LRRC4C: variants seen among roughly 807,000 people sequenced by gnomAD.
The protein encoded by LRRC4C is leucine-rich repeat-containing protein 4C.
In LRRC4C, 5 loss-of-function variants were observed where a neutral mutation model predicts 33.6. The ratio of observed to expected loss-of-function variants is 0.15; its 90% CI spans 0.08 to 0.31. The LOEUF (loss-of-function observed/expected upper bound fraction) is 0.31. Ranked by LOEUF, LRRC4C falls within the 10% of genes least tolerant of loss-of-function variation. The pLI is 1.00. For synonymous variants in LRRC4C, 329 were observed against 302.0 expected, an observed-to-expected ratio of 1.09 and a Z score of -0.93; for missense variants, 560 against 796.7, an observed-to-expected ratio of 0.70 and a Z score of 3.58.
chr11:41,178,609 A>C (rs1482023779), intron 1 of LRRC4C, among the ~76,000 whole-genome samples: 1 of 152,120 alleles, frequency 6.6e-6, no homozygotes, highest in Admixed American at 6.5e-5. Flanking sequence ...TGCCCATCTC[A>C]GCCTCCCAAA....
Position 40,115,944 on chromosome 11 carries a change from T to C in LRRC4C, c.349A>G (p.Ile117Val). Reference sequence around the variant, plus strand: ...TTCGCCAGACCATTGAAAGCCCCAATTTCAATGGTTCTGATATGGTTCCTA... The same window carrying C: ...TTCGCCAGACCATTGAAAGCCCCAACTTCAATGGTTCTGATATGGTTCCTA... Reference protein sequence around the residue: ...LSRNHIRTIEIGAFNGLANLN... With the variant: ...LSRNHIRTIEVGAFNGLANLN... Residue 117 changes from isoleucine to valine, a missense_variant, in exon 7 of 7, where the codon ATT becomes GTT. By Grantham distance (29) the Ile-to-Val change is conservative (BLOSUM62 3). This residue lies in a region of LRRC4C where 455 missense variants were observed against 643.8 expected (regional missense o/e 0.71). Coordinates refer to ENST00000528697, the MANE Select transcript of LRRC4C (RefSeq NM_001258419.2). The surrounding 1 kb of genome is among the most constrained non-coding windows in gnomAD (Gnocchi z 6.7). 6.2e-7 allele frequency: 1 copy of C among 1,614,120 alleles called. No homozygotes were observed. The highest frequency in any genetic ancestry group is 8.5e-7 in the Non-Finnish European group (1 of 1,180,024).
In LRRC4C at chr11:40,858,016, AGGAAG is replaced by A. The variant is rs146464048; in HGVS notation, c.-407+75614_-407+75618del. Reference sequence around the variant, plus strand: ...CAGGGACAGGGACAGGGACAAGGAAAGGAAGGGAAGGGAAGGGAAGGGAAGGGAAG... The same window carrying A: ...CAGGGACAGGGACAGGGACAAGGAAAGGAAGGGAAGGGAAGGGAAGGGAAG... On this transcript the variant is annotated intron_variant, in intron 2 of 6. Coordinates refer to ENST00000528697, the MANE Select transcript of LRRC4C (RefSeq NM_001258419.2). Among the ~76,000 whole-genome samples, 667 of 139,076 alleles carry A rather than the reference AGGAAG, an allele frequency of 4.8e-3. 1 individual carries two copies. The highest frequency in any genetic ancestry group is 9.4e-3 in the African/African-American group (331 of 35,326). The allele number at this position is 139,076 out of a possible 152,430, so 91.2% of individuals were successfully genotyped here. A position where few individuals can be genotyped will look rare whatever the true frequency, so the allele number is the denominator to read the frequency against.
chr11:40,756,162 C>T (rs780283836), intron 2 of LRRC4C, among the ~76,000 whole-genome samples: 2 of 152,034 alleles, frequency 1.3e-5, no homozygotes, highest in Non-Finnish European at 2.9e-5. Flanking sequence ...AGGAAACTAA[C>T]GCTGCTGGAA....
intron 2 of LRRC4C, among the ~76,000 whole-genome samples, chr11:40,883,865 C>T (rs1457939128): frequency 6.7e-6 from 1 of 149,512 alleles, no homozygotes; most frequent in Non-Finnish European, 1.5e-5. Flanking sequence ...AATAATGAAA[C>T]TGATATCTAT....
intron 1 of LRRC4C, among the ~76,000 whole-genome samples, chr11:41,446,552 A>T (rs944373780): frequency 6.6e-6 from 1 of 151,898 alleles, no homozygotes; most frequent in Non-Finnish European, 1.5e-5. Context: ...ACTAGGCTGG[A>T]TGGGTTTTCT....
chr11:40,422,604 T>G (rs188586100), intron 3 of LRRC4C, among the ~76,000 whole-genome samples: 1,715 of 152,254 alleles, frequency 0.011, 14 homozygotes, highest in South Asian at 0.023. Flanking sequence ...ATAACAGAGT[T>G]TTGCTAGAAT....
At chr11:40,798,419 T>C (rs565993054) in intron 2 of LRRC4C, among the ~76,000 whole-genome samples, 41 of 152,204 alleles carry the variant, frequency 2.7e-4, no homozygotes, top group Non-Finnish European at 5.3e-4. Context: ...AACAGTGTTT[T>C]GGAGTTAAGT....
intron 3 of LRRC4C, among the ~76,000 whole-genome samples, chr11:40,412,818 G>A (rs1950200034): frequency 1.3e-5 from 2 of 151,964 alleles, no homozygotes; most frequent in Non-Finnish European, 1.5e-5. Flanking sequence ...ACTCTAACAT[G>A]GCAATAATAG....
intron 1 of LRRC4C, among the ~76,000 whole-genome samples, chr11:40,997,000 G>T (rs538896321): frequency 4.6e-5 from 7 of 152,056 alleles, no homozygotes; most frequent in Non-Finnish European, 1.0e-4. Context: ...CCCAAGTGGG[G>T]TATAAAGTTC....
intron 3 of LRRC4C, among the ~76,000 whole-genome samples, chr11:40,383,488 G>T (rs7932694): frequency 0.34 from 51,820 of 151,738 alleles, 9,652 homozygotes; most frequent in East Asian, 0.49. Context: ...AGAGTATAAG[G>T]GTTCCATTTT....
In LRRC4C at chr11:41,235,530, T is replaced by G. The variant is rs541040415; in HGVS notation, c.-496+223901A>C. On this transcript the variant is annotated intron_variant, in intron 1 of 6. Transcript: ENST00000528697. ...AATTATACATTTGAAATTTGCCAAA[T>G]TGAAATAGTCATAGTCTCTCTCCCT... Among the ~76,000 whole-genome samples, 60 of 152,244 alleles carry G rather than the reference T, an allele frequency of 3.9e-4. 1 individual carries two copies. The East Asian group carries it at 0.011, about 29-fold the overall frequency.
At chr11:40,494,067 T>C (rs1435445311) in intron 3 of LRRC4C, among the ~76,000 whole-genome samples, 1 of 152,098 alleles carries the variant, frequency 6.6e-6, no homozygotes, top group African/African-American at 2.4e-5. Flanking sequence ...ATTTATCTAA[T>C]GAAGGCCAAG....
chr11:40,334,689 T>A (rs563662769), intron 3 of LRRC4C, among the ~76,000 whole-genome samples: 1 of 152,142 alleles, frequency 6.6e-6, no homozygotes, highest in Admixed American at 6.5e-5. Context: ...CATACATAAA[T>A]ATGCAAGCCA....
At chr11:40,697,524 C>G (rs980882643) in intron 2 of LRRC4C, among the ~76,000 whole-genome samples, 1 of 152,132 alleles carries the variant, frequency 6.6e-6, no homozygotes, top group Non-Finnish European at 1.5e-5. Context: ...CAGAGGAAAT[C>G]TGAACACTTT....
At chr11:41,264,652 T>C (rs1362681832) in intron 1 of LRRC4C, among the ~76,000 whole-genome samples, 2 of 152,118 alleles carry the variant, frequency 1.3e-5, no homozygotes, top group African/African-American at 4.8e-5. Context: ...AATGTAGATA[T>C]AAGAAACAAG....
At chr11:40,754,756 G>T (rs1262301497) in intron 2 of LRRC4C, among the ~76,000 whole-genome samples, 4 of 151,460 alleles carry the variant, frequency 2.6e-5, no homozygotes, top group Admixed American at 6.6e-5. Context: ...ATTTTATTTT[G>T]TTTTAATTTT....
At chr11:40,322,331 C>T (rs553184687) in intron 3 of LRRC4C, among the ~76,000 whole-genome samples, 12 of 152,170 alleles carry the variant, frequency 7.9e-5, no homozygotes, top group South Asian at 4.1e-4. Context: ...CTGCAACCTC[C>T]GCCTCCTGGG....
At chr11:41,061,469 A>G (rs758492108) in intron 1 of LRRC4C, among the ~76,000 whole-genome samples, 1 of 152,168 alleles carries the variant, frequency 6.6e-6, no homozygotes, top group African/African-American at 2.4e-5. Flanking sequence ...CCACAGCAAG[A>G]CTTCTAGACT....
intron 2 of LRRC4C, among the ~76,000 whole-genome samples, chr11:40,813,119 A>T (rs938835490): frequency 1.3e-5 from 2 of 152,178 alleles, no homozygotes; most frequent in East Asian, 1.9e-4. Context: ...TGCCAGAATA[A>T]AATCTAATTG....
Sources: gnomAD v4.1 joint callset for allele counts (sites outside exome capture counted in the v4.1 genomes callset) on GRCh38, gnomAD v4.1.1 for gene constraint, gnomAD v4.1.1 regional missense constraint, Gnocchi (gnomAD v3.1) non-coding constraint, MANE v1.5 for transcripts, NCBI Gene and HGNC (gene_info 2026-07-23, HGNC 2026-07-21) for gene names.